ARHGAP20: variants seen among roughly 807,000 people sequenced by gnomAD.
ARHGAP20 encodes the protein rho GTPase-activating protein 20.
ARHGAP20 carries 34 observed loss-of-function variants against 73.7 expected under a neutral mutation model. That is an observed-to-expected ratio of 0.46 (90% CI 0.35 to 0.61). The LOEUF (loss-of-function observed/expected upper bound fraction) is 0.61. ARHGAP20 is among the 20% of genes least tolerant of loss of function. The pLI, the probability that ARHGAP20 is intolerant of heterozygous loss-of-function variation, is 0.00. For missense variants in ARHGAP20, 1,314 were observed against 1,420.9 expected (o/e 0.92, Z 1.21); for synonymous variants, 523 against 518.2 (o/e 1.01, Z -0.13).
rs770247166 is a variant in ARHGAP20, at chr11:110,579,715, A to C, written c.3231T>G (p.Ala1077=). Residue 1077 remains alanine, a synonymous_variant, in exon 15 of 15, where the codon GCT becomes GCG. Coordinates refer to ENST00000683387, the MANE Select transcript of ARHGAP20 (RefSeq NM_001384657.1). The part of the protein sequence containing the change: ...PKGPLEPPPH[A]SGVPEANSLQ... Reference sequence around the variant, plus strand: ...GTGAGTTGGCTTCTGGAACACCAGAAGCATGTGGGGGTGGCTCTAAGGGTC... The same window carrying C: ...GTGAGTTGGCTTCTGGAACACCAGACGCATGTGGGGGTGGCTCTAAGGGTC... 1 of 1,614,074 alleles carries C rather than the reference A, an allele frequency of 6.2e-7. No individual in the cohort carries two copies. Among genetic ancestry groups the C allele is most frequent in the African/African-American group, 1.3e-5 (1 of 74,934 alleles).
intron 9 of ARHGAP20, among the ~76,000 whole-genome samples, chr11:110,594,767 G>T (rs1368073918): frequency 5.3e-5 from 8 of 151,764 alleles, no homozygotes; most frequent in Non-Finnish European, 1.2e-4. Flanking sequence ...GAAAAAGAGG[G>T]AATCCTCCCT....
intron 4 of ARHGAP20, among the ~76,000 whole-genome samples, chr11:110,617,202 G>T (rs1354646225): frequency 2.0e-5 from 3 of 151,594 alleles, no homozygotes; most frequent in Admixed American, 1.3e-4. Context: ...ATGTTTAAAA[G>T]ATTTAATTAT....
At chr11:110,621,280 G>C (rs1242034858) in intron 4 of ARHGAP20, among the ~76,000 whole-genome samples, 1 of 151,820 alleles carries the variant, frequency 6.6e-6, no homozygotes, top group East Asian at 1.9e-4. Flanking sequence ...CACTGTCTAG[G>C]GTTCAGTGAG....
At chr11:110,692,630 G>A (rs906872916) in intron 1 of ARHGAP20, among the ~76,000 whole-genome samples, 3 of 151,956 alleles carry the variant, frequency 2.0e-5, no homozygotes, top group African/African-American at 7.2e-5. Context: ...GAGCTCCTTG[G>A]CTTTCAGGTT....
chr11:110,660,062 A>AAAAAAAACAAAAAC (rs1555097595), intron 2 of ARHGAP20, among the ~76,000 whole-genome samples: 2 of 113,186 alleles, frequency 1.8e-5, no homozygotes, highest in Non-Finnish European at 3.4e-5. Flanking sequence ...AATAAAAAAC[A>AAAAAAAACAAAAAC]AAAAAAAAAA....
chr11:110,616,855 C>T (rs1948495918), intron 4 of ARHGAP20, among the ~76,000 whole-genome samples: 1 of 151,966 alleles, frequency 6.6e-6, no homozygotes, highest in African/African-American at 2.4e-5. Context: ...TTGCTTCAGA[C>T]CTGCTAACTT....
intron 2 of ARHGAP20, among the ~76,000 whole-genome samples, chr11:110,635,297 A>C (rs1948943067): frequency 6.6e-6 from 1 of 152,044 alleles, no homozygotes; most frequent in Non-Finnish European, 1.5e-5. Context: ...TAAAAATGCA[A>C]ATTCTCGGGC....
intron 2 of ARHGAP20, among the ~76,000 whole-genome samples, chr11:110,641,029 G>C (rs979963555): frequency 1.3e-5 from 2 of 152,074 alleles, no homozygotes; most frequent in Non-Finnish European, 2.9e-5. Flanking sequence ...GGCTTGGTAA[G>C]ATAGGTGGAC....
intron 1 of ARHGAP20, among the ~76,000 whole-genome samples, chr11:110,698,879 T>C (rs191868786): frequency 8.4e-4 from 128 of 151,894 alleles, no homozygotes; most frequent in African/African-American, 3.0e-3. Context: ...TTTGTTTCAC[T>C]GATCCTTTAT....
chr11:110,673,314 A>G (rs1280383395), intron 2 of ARHGAP20, among the ~76,000 whole-genome samples: 1 of 152,198 alleles, frequency 6.6e-6, no homozygotes, highest in Admixed American at 6.5e-5. Context: ...AAGAGGACAA[A>G]ATATTAGGAA....
chr11:110,648,530 G>A (rs971603700), intron 2 of ARHGAP20, among the ~76,000 whole-genome samples: 2 of 149,306 alleles, frequency 1.3e-5, no homozygotes, highest in African/African-American at 4.9e-5. Flanking sequence ...TGTTGCCCAG[G>A]CTGAAGTGCA....
chr11:110,702,289 T>C (rs1950468661), intron 1 of ARHGAP20, among the ~76,000 whole-genome samples: 1 of 152,086 alleles, frequency 6.6e-6, no homozygotes, highest in Admixed American at 6.5e-5. Flanking sequence ...AAAAACCACA[T>C]GATTATCTCA....
Position 110,590,698 on chromosome 11 carries a change from C to G in ARHGAP20, c.1255G>C (p.Glu419Gln). Reference sequence around the variant, plus strand: ...ATAGATTCACAGTCTAGGTGTACTTCGACTCCAGAATTCAATTTCTCTTTT... The same window carrying G: ...ATAGATTCACAGTCTAGGTGTACTTGGACTCCAGAATTCAATTTCTCTTTT... Reference protein sequence around the residue: ...ELKEKLNSGVEVHLDCESIFV... With the variant: ...ELKEKLNSGVQVHLDCESIFV... The change falls in exon 11 of 15, where the codon GAA becomes CAA. Residue 419 changes from glutamate to glutamine, a missense_variant. Glu to Gln is a conservative substitution (Grantham distance 29, BLOSUM62 2). Around this residue, in one of 3 missense-constraint regions of ARHGAP20, gnomAD observed 230 missense variants for 317.6 expected, o/e 0.72. Transcript: ENST00000683387. The G allele has an allele frequency of 6.2e-7, 1 of 1,614,004 alleles. No homozygotes were observed. Among genetic ancestry groups the G allele is most frequent in the Non-Finnish European group, 8.5e-7 (1 of 1,179,970 alleles).
chr11:110,673,940 T>C (rs1454342427), intron 2 of ARHGAP20, among the ~76,000 whole-genome samples: 1 of 142,376 alleles, frequency 7.0e-6, no homozygotes, highest in Non-Finnish European at 1.5e-5. Flanking sequence ...GAACGAAGGC[T>C]ATTTTTTTTT....
At chr11:110,618,111 T>A (rs1948526210) in intron 4 of ARHGAP20, among the ~76,000 whole-genome samples, 1 of 152,192 alleles carries the variant, frequency 6.6e-6, no homozygotes, top group South Asian at 2.1e-4. Context: ...CCCCCCTTTA[T>A]GGCAAAGCAG....
At chr11:110,600,634 A>C (rs776459443) in intron 9 of ARHGAP20, among the ~76,000 whole-genome samples, 6 of 152,280 alleles carry the variant, frequency 3.9e-5, no homozygotes, top group Non-Finnish European at 8.8e-5. Flanking sequence ...TTGGGCAAAT[A>C]CATCACTGTC....
chr11:110,581,096 A>G lies in ARHGAP20; in HGVS notation c.1850T>C (p.Val617Ala). 1 of 1,614,208 alleles carries G rather than the reference A, an allele frequency of 6.2e-7. No individual in the cohort carries two copies. The highest frequency in any genetic ancestry group is 8.5e-7 in the Non-Finnish European group (1 of 1,180,032). ...LGQGSRSMDS[V>A]LTLSDYDLDQ... Reference sequence around the variant, plus strand: ...AAGATCATAGTCACTGAGGGTTAAGACAGAGTCCATGCTTCTGCTCCCCTG... The same window carrying G: ...AAGATCATAGTCACTGAGGGTTAAGGCAGAGTCCATGCTTCTGCTCCCCTG... Residue 617 changes from valine (V) to alanine (A), a missense_variant, in exon 15 of 15, where the codon GTC becomes GCC. Coordinates refer to ENST00000683387, the MANE Select transcript of ARHGAP20 (RefSeq NM_001384657.1).
At chr11:110,599,810 T>A (rs1395002809) in intron 9 of ARHGAP20, among the ~76,000 whole-genome samples, 1 of 152,032 alleles carries the variant, frequency 6.6e-6, no homozygotes. Flanking sequence ...GCTGCAGATG[T>A]GAGGATGACC....
chr11:110,696,161 G>A (rs934111737), intron 1 of ARHGAP20, among the ~76,000 whole-genome samples: 2 of 151,558 alleles, frequency 1.3e-5, no homozygotes, highest in Non-Finnish European at 1.5e-5. Context: ...AGAGTTTGGG[G>A]AGACAGCAGA....
Sources: gnomAD v4.1 joint callset for allele counts (sites outside exome capture counted in the v4.1 genomes callset) on GRCh38, gnomAD v4.1.1 for gene constraint, gnomAD v4.1.1 regional missense constraint, MANE v1.5 for transcripts, NCBI Gene and HGNC (gene_info 2026-07-23, HGNC 2026-07-21) for gene names.